The following HERPUD1 variants were observed in gnomAD, a reference collection of about 807,000 sequenced individuals.
HERPUD1 encodes homocysteine inducible ER protein with ubiquitin like domain 1.
Under a neutral mutation model 45.0 loss-of-function variants are expected in HERPUD1, and 17 were observed. That is an observed-to-expected ratio of 0.38 (90% CI 0.26 to 0.57). The LOEUF is 0.57. Ranked by LOEUF, HERPUD1 falls within the 20% of genes least tolerant of loss-of-function variation. The pLI is 0.72. For synonymous variants in HERPUD1, 164 were observed against 177.5 expected (o/e 0.92, Z 0.61); for missense variants, 420 against 490.5 (o/e 0.86, Z 1.36).
chr16:56,934,645 A>T (rs1176740726), intron 1 of HERPUD1, among the ~76,000 whole-genome samples: 2 of 149,274 alleles, frequency 1.3e-5, no homozygotes, highest in Admixed American at 1.3e-4. Context: ...GCTTTTAGTA[A>T]TAGGAGTCAG....
chr16:56,932,852 G>A (rs536144605), intron 1 of HERPUD1, among the ~76,000 whole-genome samples: 3 of 152,206 alleles, frequency 2.0e-5, no homozygotes, highest in Non-Finnish European at 4.4e-5. Context: ...GAAGCAGGAC[G>A]TGGCTCTTCT....
rs139433590 is a variant in HERPUD1, at chr16:56,939,382, G to T, written c.554+23G>T. The T allele has an allele frequency of 3.2e-4, 521 of 1,613,734 alleles. 1 individual carries two copies. In the African/African-American group the frequency reaches 6.3e-3, roughly 20 times the overall value. ...ATAGTGAGTCCTTCCCGCCATGCTG[G>T]GTGTGGCCAGGGCTCCCGGGAATTG... On this transcript the variant is annotated intron_variant, in intron 5 of 7. Coordinates refer to ENST00000439977, the MANE Select transcript of HERPUD1 (RefSeq NM_014685.4).
intron 4 of HERPUD1, chr16:56,937,243 T>A (rs2055873875): frequency 6.6e-6 from 1 of 152,644 alleles, no homozygotes; most frequent in Non-Finnish European, 1.5e-5. Context: ...TTCCAAAGAC[T>A]TGGGGGTACT....
At chr16:56,933,808 G>C (rs559785511) in intron 1 of HERPUD1, among the ~76,000 whole-genome samples, 1 of 152,232 alleles carries the variant, frequency 6.6e-6, no homozygotes, top group African/African-American at 2.4e-5. Flanking sequence ...TTTAAAAGGG[G>C]GAAAATAATT....
Position 56,939,979 on chromosome 16 carries a change from C to G in HERPUD1, c.639C>G (p.Ala213=), listed in dbSNP as rs1413970277. 1 of 1,614,194 alleles carries G rather than the reference C, an allele frequency of 6.2e-7. No individual in the cohort carries two copies. The highest frequency in any genetic ancestry group is 2.2e-5 in the East Asian group (1 of 44,884). ...EIPVVSAPAP[A]PIHNQFPAEN... ...CTGTGGTCTCTGCACCTGCTCCAGC[C>G]CCTATTCACAACCAGTTTCCAGCTG... The change falls in exon 6 of 8, where the codon GCC becomes GCG. Residue 213 remains alanine, a synonymous_variant. Transcript: ENST00000439977.
intron 4 of HERPUD1, among the ~76,000 whole-genome samples, chr16:56,937,838 G>A (rs1431166538): frequency 6.6e-6 from 1 of 151,288 alleles, no homozygotes; most frequent in African/African-American, 2.4e-5. Flanking sequence ...AAGCTTACTT[G>A]TATTGGAATA....
intron 4 of HERPUD1, among the ~76,000 whole-genome samples, chr16:56,938,973 GT>G (rs2055887715): frequency 6.6e-6 from 1 of 152,140 alleles, no homozygotes; most frequent in South Asian, 2.1e-4. Context: ...CAAAAAGGTT[GT>G]TTATATATCT....
rs368095349 is a variant in HERPUD1 at position 56,935,415 on chromosome 16, T to C, written c.240T>C (p.His80=). 1.9e-5 allele frequency: 31 copies of C among 1,614,108 alleles called. No individual in the cohort carries two copies. The highest frequency in any genetic ancestry group is 2.5e-5 in the Non-Finnish European group (30 of 1,180,040). Residue 80 remains histidine, a synonymous_variant, in exon 3 of 8, where the codon CAT becomes CAC. Transcript: ENST00000439977. ...ATTACTTTTAGCAGGAAAAACGGCATGTTTTGCATCTGGTGTGCAATGTGA... is the reference window on the plus strand; with the variant it reads ...ATTACTTTTAGCAGGAAAAACGGCACGTTTTGCATCTGGTGTGCAATGTGA... ...RDLLPKQEKR[H]VLHLVCNVKS...
intron 1 of HERPUD1, chr16:56,933,096 C>T: frequency 2.7e-6 from 1 of 366,654 alleles, no homozygotes; most frequent in Non-Finnish European, 5.3e-6. Context: ...ACCGCCTGCC[C>T]TGGCCACCAC....
intron 6 of HERPUD1, 70 bp downstream of exon 6, chr16:56,940,315 T>C: frequency 1.7e-6 from 2 of 1,164,742 alleles, no homozygotes; most frequent in East Asian, 4.7e-5. Context: ...TTGCTCTTTT[T>C]GTTTCTTGTT....
Position 56,939,907 on chromosome 16 carries a change from T to C in HERPUD1, c.567T>C (p.Thr189=), listed in dbSNP as rs1422407198. 1.3e-6 allele frequency: 2 copies of C among 1,565,324 alleles called. No homozygotes were observed. ...RQYYMQYLAA[T]AASGAFVPPP... ...GTTTTTATTTTAGTTTAGCAGCCACTGCTGCATCAGGGGCTTTTGTTCCAC... is the reference window on the plus strand; with the variant it reads ...GTTTTTATTTTAGTTTAGCAGCCACCGCTGCATCAGGGGCTTTTGTTCCAC... Residue 189 remains threonine (T), a synonymous_variant, in exon 6 of 8, where the codon ACT becomes ACC. Transcript: ENST00000439977.
intron 7 of HERPUD1, 36 bp downstream of exon 7, chr16:56,942,273 C>A: frequency 7.2e-7 from 1 of 1,389,122 alleles, no homozygotes; most frequent in Non-Finnish European, 1.0e-6. Context: ...GCGAGCTTGA[C>A]GTGATATGCC....
At chr16:56,940,292 C>A in intron 6 of HERPUD1, 47 bp downstream of exon 6, 1 of 1,352,220 alleles carries the variant, frequency 7.4e-7, no homozygotes, top group Non-Finnish European at 1.0e-6. Flanking sequence ...ACTGTGTTCA[C>A]ACTAAGCAGA....
intron 4 of HERPUD1, 100 bp from the exon 5 acceptor site, chr16:56,939,129 CATTCTTCT>C (rs1296691340): frequency 1.6e-6 from 2 of 1,282,370 alleles, no homozygotes; most frequent in African/African-American, 3.0e-5. Flanking sequence ...CCGTAAATTC[CATTCTTCT>C]GTCTCTTCGA....
intron 1 of HERPUD1, 96 bp from the exon 2 acceptor site, chr16:56,935,139 C>A: frequency 1.3e-6 from 1 of 798,734 alleles, no homozygotes; most frequent in Admixed American, 2.1e-5. Context: ...GGGAAACACA[C>A]ATATTCAAAT....
In HERPUD1 at chr16:56,942,231, C is replaced by T. The variant is rs759049207; in HGVS notation, c.1005C>T (p.Asn335=). 3.1e-6 allele frequency: 5 copies of T among 1,611,928 alleles called. No individual in the cohort carries two copies. The highest frequency in any genetic ancestry group is 4.2e-6 in the Non-Finnish European group (5 of 1,177,986). Residue 335 remains asparagine (N), a synonymous_variant, in exon 7 of 8, where the codon AAC becomes AAT. Coordinates refer to ENST00000439977, the MANE Select transcript of HERPUD1 (RefSeq NM_014685.4). ...TTGTAAATCAGGACCCCAACAATAACTTACAGGTATGGAGCCTCCCACGAA... is the reference window on the plus strand; with the variant it reads ...TTGTAAATCAGGACCCCAACAATAATTTACAGGTATGGAGCCTCCCACGAA... ...PDVVNQDPNN[N]LQEGTDPETE... is the part of the protein sequence containing the mutation.
intron 3 of HERPUD1, chr16:56,936,161 A>G (rs2055864715): frequency 6.6e-6 from 1 of 152,628 alleles, no homozygotes; most frequent in African/African-American, 2.4e-5. Flanking sequence ...AATTTGCATT[A>G]TATTTCCTAG....
Position 56,940,063 on chromosome 16 carries a change from T to C in HERPUD1, c.723T>C (p.Asn241=). ...AAGTGGTTGTTAATCCTGGAGCCAA[T>C]CAAAATTTGCGGATGAATGCACAAG... is the stretch of plus-strand genomic sequence containing the variant. ...APQVVVNPGA[N]QNLRMNAQGG... is the part of the protein sequence containing the mutation. The change falls in exon 6 of 8, where the codon AAT becomes AAC. Residue 241 remains asparagine, a synonymous_variant. Coordinates refer to ENST00000439977, the MANE Select transcript of HERPUD1 (RefSeq NM_014685.4). 1 of 1,614,204 alleles carries C rather than the reference T, an allele frequency of 6.2e-7. No homozygotes were observed. Among genetic ancestry groups the C allele is most frequent in the African/African-American group, 1.3e-5 (1 of 75,048 alleles).
At chr16:56,937,032 C>A (rs2055872272) in intron 4 of HERPUD1, 3 of 360,160 alleles carry the variant, frequency 8.3e-6, no homozygotes, top group African/African-American at 2.1e-5. Context: ...GTAGGTAATG[C>A]ATATATTGAA....
Sources: gnomAD v4.1 joint callset for allele counts (sites outside exome capture counted in the v4.1 genomes callset) on GRCh38, gnomAD v4.1.1 for gene constraint, MANE v1.5 for transcripts, NCBI Gene and HGNC (gene_info 2026-07-23, HGNC 2026-07-21) for gene names.